The following NAT10 variants were observed in gnomAD, a reference collection of about 807,000 sequenced individuals.
NAT10 encodes RNA cytidine acetyltransferase.
NAT10 carries 109 observed loss-of-function variants against 132.2 expected under a neutral mutation model. That is an observed-to-expected ratio of 0.82 (90% CI 0.71 to 0.97). The LOEUF is 0.97. NAT10 is among the 50% of genes least tolerant of loss of function. The pLI, the probability that NAT10 is intolerant of heterozygous loss-of-function variation, is 0.00. For synonymous variants in NAT10, 479 were observed against 478.0 expected, an observed-to-expected ratio of 1.00 and a Z score of -0.03; for missense variants, 1,184 against 1,263.4, an observed-to-expected ratio of 0.94 and a Z score of 0.95.
At chr11:34,126,264 C>G (rs1308099324) in intron 11 of NAT10, among the ~76,000 whole-genome samples, 1 of 152,236 alleles carries the variant, frequency 6.6e-6, no homozygotes, top group Non-Finnish European at 1.5e-5. Context: ...CTATTTCCTT[C>G]TGTCCCTCCC....
chr11:34,132,177 T>G lies in NAT10; in HGVS notation c.1573T>G (p.Phe525Val). ...TTGCTACCACAAGGCCTCTGAAGTTTTCCTCCAACGGCTTATGGCCCTCTA... is the reference window on the plus strand; with the variant it reads ...TTGCTACCACAAGGCCTCTGAAGTTGTCCTCCAACGGCTTATGGCCCTCTA... Reference protein sequence around the residue: ...LFCYHKASEVFLQRLMALYVA... With the variant: ...LFCYHKASEVVLQRLMALYVA... Residue 525 changes from phenylalanine (F) to valine (V), a missense_variant, in exon 15 of 29, where the codon TTC becomes GTC. Physicochemically the swap from Phe to Val is conservative, Grantham distance 50. Coordinates refer to ENST00000257829, the MANE Select transcript of NAT10 (RefSeq NM_024662.3). The G allele has an allele frequency of 6.2e-7, 1 of 1,614,188 alleles. No individual in the cohort carries two copies. The highest frequency in any genetic ancestry group is 1.3e-5 in the African/African-American group (1 of 75,048).
chr11:34,133,975 A>AC (rs1004919811), intron 16 of NAT10, among the ~76,000 whole-genome samples: 1 of 150,366 alleles, frequency 6.7e-6, no homozygotes, highest in Non-Finnish European at 1.5e-5. Flanking sequence ...ACACGGTGAA[A>AC]CCCCTTCTCT....
chr11:34,129,860 C>T (rs149053184), intron 12 of NAT10, among the ~76,000 whole-genome samples: 257 of 152,116 alleles, frequency 1.7e-3, no homozygotes, highest in Non-Finnish European at 2.4e-3. Flanking sequence ...CTACCCGCCT[C>T]GGCCTCCCAA....
At chr11:34,108,177 T>G (rs1411047909) in intron 1 of NAT10, 34 bp from the exon 2 acceptor site, 1 of 1,434,126 alleles carries the variant, frequency 7.0e-7, no homozygotes, top group East Asian at 2.3e-5. Context: ...GACAATCTAG[T>G]GCGCATGGCC....
intron 12 of NAT10, among the ~76,000 whole-genome samples, chr11:34,129,001 A>G (rs1852051326): frequency 6.6e-6 from 1 of 152,218 alleles, no homozygotes. Context: ...GTTGAATAGT[A>G]TTCTATTGTA....
At chr11:34,129,158 C>A (rs1208117282) in intron 12 of NAT10, among the ~76,000 whole-genome samples, 1 of 152,162 alleles carries the variant, frequency 6.6e-6, no homozygotes, top group African/African-American at 2.4e-5. Context: ...TAGGGATACA[C>A]CTAGGAGTGA....
At position 34,141,287 on chromosome 11, in the gene NAT10, CAT is replaced by C. The variant is rs58807285; in HGVS notation, c.2712+80_2712+81del. The stretch of plus-strand genomic sequence containing the variant: ...CCACTCCCTGCTCCCGAGATGAACA[CAT>C]GTTAGCATTTAGCTGTGTTTGCTGC... On this transcript the variant is annotated intron_variant, in intron 25 of 28. Transcript: ENST00000257829. 3.6e-3 allele frequency: 5,772 copies of C among 1,587,380 alleles called. 150 individuals are homozygous for C. The African/African-American group carries it at 0.065, about 18-fold the overall frequency.
intron 2 of NAT10, 132 bp from the exon 3 acceptor site, chr11:34,108,610 G>T: frequency 1.2e-6 from 1 of 846,042 alleles, no homozygotes. Flanking sequence ...GTCATTGCTC[G>T]CCTTAGAACC....
Position 34,124,367 on chromosome 11 carries a change from G to T in NAT10, c.1074G>T (p.Val358=). 1 of 1,614,008 alleles carries T rather than the reference G, an allele frequency of 6.2e-7. No individual in the cohort carries two copies. The highest frequency in any genetic ancestry group is 1.1e-5 in the South Asian group (1 of 91,064). The part of the protein sequence containing the change: ...NPEFNKAVIR[V]NVFREHRQTI... ...AATTTAACAAAGCAGTGATCAGAGTGAATGTATTTCGAGAACACAGGCAGA... is the reference window on the plus strand; with the variant it reads ...AATTTAACAAAGCAGTGATCAGAGTTAATGTATTTCGAGAACACAGGCAGA... Residue 358 remains valine (V), a synonymous_variant, in exon 11 of 29, where the codon GTG becomes GTT. Coordinates refer to ENST00000257829, the MANE Select transcript of NAT10 (RefSeq NM_024662.3).
intron 8 of NAT10, among the ~76,000 whole-genome samples, chr11:34,119,776 G>C (rs904887270): frequency 2.0e-5 from 3 of 152,200 alleles, no homozygotes; most frequent in South Asian, 2.1e-4. Context: ...GTGGTCCCCT[G>C]TTAGACATTT....
Position 34,146,210 on chromosome 11 carries a change from A to G in NAT10, c.*18A>G, listed in dbSNP as rs1275700592. The G allele has an allele frequency of 6.5e-7, 1 of 1,542,680 alleles. No homozygotes were observed. Among genetic ancestry groups the G allele is most frequent in the Non-Finnish European group, 8.9e-7 (1 of 1,128,914 alleles). Reference sequence around the variant, plus strand: ...AGAAATAGTGAAGAGAAACTCGGGCATCTGTGTTTGATCATGGGAAGATAC... The same window carrying G: ...AGAAATAGTGAAGAGAAACTCGGGCGTCTGTGTTTGATCATGGGAAGATAC... On this transcript the variant is annotated 3_prime_UTR_variant, in exon 29 of 29. Transcript: ENST00000257829.
At position 34,132,157 on chromosome 11, in the gene NAT10, A is replaced by T; in HGVS notation, c.1553A>T (p.Tyr518Phe). 6.2e-7 allele frequency: 1 copy of T among 1,614,098 alleles called. No individual in the cohort carries two copies. The highest frequency in any genetic ancestry group is 8.5e-7 in the Non-Finnish European group (1 of 1,179,986). ...YYVNRDTLFC[Y>F]HKASEVFLQR... ...GTTAATAGAGATACCCTCTTTTGCT[A>T]CCACAAGGCCTCTGAAGTTTTCCTC... is the stretch of plus-strand genomic sequence containing the variant. The change falls in exon 15 of 29, where the codon TAC becomes TTC. Residue 518 changes from tyrosine (Y) to phenylalanine (F), a missense_variant. By Grantham distance (22) the Tyr-to-Phe change is conservative. Coordinates refer to ENST00000257829, the MANE Select transcript of NAT10 (RefSeq NM_024662.3).
intron 12 of NAT10, among the ~76,000 whole-genome samples, chr11:34,130,218 C>T (rs531228648): frequency 3.7e-4 from 57 of 152,252 alleles, no homozygotes; most frequent in Middle Eastern, 3.4e-3. Context: ...ATTGAGTTAT[C>T]AGATTATAGG....
At chr11:34,115,913 G>T in intron 6 of NAT10, 29 bp downstream of exon 6, 2 of 1,607,986 alleles carry the variant, frequency 1.2e-6, no homozygotes, top group Non-Finnish European at 1.7e-6. Context: ...CCAATTGTGG[G>T]GCAGCCACAT....
chr11:34,138,603 G>A (rs1003354681), intron 21 of NAT10, among the ~76,000 whole-genome samples: 1 of 152,166 alleles, frequency 6.6e-6, no homozygotes, highest in African/African-American at 2.4e-5. Flanking sequence ...GAGCTGTGGT[G>A]TGGTCTGCGG....
At chr11:34,143,906 G>A (rs988152676) in intron 28 of NAT10, among the ~76,000 whole-genome samples, 2 of 152,206 alleles carry the variant, frequency 1.3e-5, no homozygotes, top group African/African-American at 4.8e-5. Context: ...GCTTTAAGAT[G>A]AAGTAACAAG....
Position 34,111,225 on chromosome 11 carries a change from A to G in NAT10, c.201-827A>G, listed in dbSNP as rs1851688910. ...CACCCCTGTCTTAGTCTGGCAGAGC[A>G]TTGTGTTCAAGCTAATGCCTGTTTG... On this transcript the variant is annotated intron_variant, in intron 3 of 28. Coordinates refer to ENST00000257829, the MANE Select transcript of NAT10 (RefSeq NM_024662.3). 2.6e-5 allele frequency among the ~76,000 whole-genome samples: 4 copies of G among 152,304 alleles called. No homozygotes were observed. The South Asian group carries it at 8.3e-4, about 32-fold the overall frequency.
intron 11 of NAT10, among the ~76,000 whole-genome samples, chr11:34,125,093 T>C (rs1403185021): frequency 6.6e-6 from 1 of 152,276 alleles, no homozygotes; most frequent in Non-Finnish European, 1.5e-5. Context: ...AAAGCATATG[T>C]ATATGCATGT....
intron 25 of NAT10, among the ~76,000 whole-genome samples, 200 bp downstream of exon 25, chr11:34,141,408 TCACACACACACACACACACA>T (rs59489457): frequency 2.3e-5 from 3 of 132,868 alleles, no homozygotes; most frequent in Non-Finnish European, 4.8e-5. Flanking sequence ...TCATCACACA[TCACACACACACACACACACA>T]CACACACACA....
Sources: allele counts gnomAD v4.1 joint callset (sites outside exome capture counted in the v4.1 genomes callset), GRCh38; gene constraint gnomAD v4.1.1; transcripts MANE v1.5; gene names NCBI Gene and HGNC (gene_info 2026-07-23, HGNC 2026-07-21).